Variants in RIN2 observed in about 807,000 individuals in gnomAD.
RIN2 encodes the protein RAB5 interacting protein 2.
Under a neutral mutation model 78.0 loss-of-function variants are expected in RIN2, and 36 were observed. The observed-to-expected ratio is 0.46, with a 90% CI of 0.35 to 0.61. The LOEUF (loss-of-function observed/expected upper bound fraction) is 0.61, where lower values mean the gene tolerates loss of function less well. RIN2 is among the 20% of genes least tolerant of loss of function. The pLI, the probability that RIN2 is intolerant of heterozygous loss-of-function variation, is 0.00. For synonymous variants in RIN2, 466 were observed against 466.8 expected (o/e 1.00, Z 0.02); for missense variants, 1,087 against 1,159.7 (o/e 0.94, Z 0.91).
chr20:19,874,491 C>A (rs1229578788), intron 2 of RIN2, among the ~76,000 whole-genome samples: 2 of 152,170 alleles, frequency 1.3e-5, no homozygotes, highest in Admixed American at 6.6e-5. Context: ...TGGAGCTAAC[C>A]CAGAAGGGTG....
At chr20:19,793,176 G>A (rs1300949056) in intron 1 of RIN2, among the ~76,000 whole-genome samples, 1 of 152,000 alleles carries the variant, frequency 6.6e-6, no homozygotes, top group East Asian at 1.9e-4. Context: ...AAAGCAATAG[G>A]TAAAATTAAT....
chr20:19,934,909 G>T (rs2040573830), intron 3 of RIN2, among the ~76,000 whole-genome samples, 190 bp from the exon 4 acceptor site: 1 of 150,914 alleles, frequency 6.6e-6, no homozygotes, highest in African/African-American at 2.4e-5. Flanking sequence ...CTAAGGAGAA[G>T]CTGCCTCCTC....
intron 2 of RIN2, among the ~76,000 whole-genome samples, chr20:19,844,593 G>GCTGCTTCCTCCT (rs1568806843): frequency 9.4e-5 from 6 of 64,066 alleles, no homozygotes; most frequent in East Asian, 6.7e-4. Flanking sequence ...TGCTGCTGCT[G>GCTGCTTCCTCCT]CTTCTTCCTC....
chr20:19,996,174 C>T (rs1568725176), intron 11 of RIN2, among the ~76,000 whole-genome samples: 3 of 152,050 alleles, frequency 2.0e-5, no homozygotes, highest in South Asian at 2.1e-4. Context: ...ATTAGCCAGG[C>T]GTGGTGGTGC....
chr20:19,869,030 C>T (rs1343042587), intron 2 of RIN2, among the ~76,000 whole-genome samples: 1 of 74,618 alleles, frequency 1.3e-5, no homozygotes, highest in Admixed American at 1.5e-4. Context: ...GCAGTTGAGC[C>T]GAGATCACGC....
At chr20:19,886,865 G>A (rs1318285264) in intron 2 of RIN2, 2 of 703,938 alleles carry the variant, frequency 2.8e-6, no homozygotes, top group South Asian at 2.0e-5. Flanking sequence ...GGGAGGCATG[G>A]GGAAGCGCAG....
intron 8 of RIN2, among the ~76,000 whole-genome samples, chr20:19,971,167 G>C (rs1007170410): frequency 1.3e-5 from 2 of 150,438 alleles, no homozygotes; most frequent in African/African-American, 5.0e-5. Flanking sequence ...ATCCAGTGTA[G>C]TGCATCTCGC....
chr20:19,916,766 C>G (rs1420751529), intron 3 of RIN2, among the ~76,000 whole-genome samples: 2 of 152,222 alleles, frequency 1.3e-5, no homozygotes, highest in African/African-American at 4.8e-5. Context: ...CTTCAGTGAC[C>G]TCATTTTATC....
At chr20:19,937,422 C>T (rs972896561) in intron 4 of RIN2, among the ~76,000 whole-genome samples, 1 of 152,192 alleles carries the variant, frequency 6.6e-6, no homozygotes, top group Non-Finnish European at 1.5e-5. Flanking sequence ...TCTGCAGCTT[C>T]GTACTCTGTG....
chr20:19,823,618 A>G, intron 2 of RIN2: 2 of 1,545,984 alleles, frequency 1.3e-6, no homozygotes, highest in South Asian at 1.1e-5. Context: ...AATGTTGACG[A>G]TCTCATCAAA....
intron 2 of RIN2, among the ~76,000 whole-genome samples, chr20:19,802,288 G>C (rs937948753): frequency 3.9e-5 from 6 of 152,060 alleles, no homozygotes. Context: ...GCCCTGTCCC[G>C]AGCACCCCGT....
chr20:19,809,683 C>T (rs1024926743), intron 2 of RIN2: 26 of 152,456 alleles, frequency 1.7e-4, no homozygotes, highest in Middle Eastern at 3.4e-3. Context: ...AGGGAGCTCC[C>T]GAAGCTACAG....
At chr20:19,883,029 T>C (rs1188406444) in intron 2 of RIN2, among the ~76,000 whole-genome samples, 1 of 152,190 alleles carries the variant, frequency 6.6e-6, no homozygotes, top group Non-Finnish European at 1.5e-5. Context: ...TTTTGACGGC[T>C]CAGAACCCTT....
chr20:19,859,125 T>C (rs952838572), intron 2 of RIN2, among the ~76,000 whole-genome samples: 1 of 152,204 alleles, frequency 6.6e-6, no homozygotes, highest in African/African-American at 2.4e-5. Context: ...ACTTAGAATG[T>C]TGGGACTACA....
chr20:19,782,326 A>C (rs547020993), intron 1 of RIN2, among the ~76,000 whole-genome samples: 1 of 152,256 alleles, frequency 6.6e-6, no homozygotes, highest in Admixed American at 6.5e-5. Context: ...GCACTTTGGG[A>C]GGCTGAGGTG....
intron 3 of RIN2, among the ~76,000 whole-genome samples, chr20:19,929,854 C>CA (rs1339598772): frequency 6.6e-6 from 1 of 152,044 alleles, no homozygotes; most frequent in African/African-American, 2.4e-5. Flanking sequence ...AAAACAACTT[C>CA]AAAAAAACAC....
chr20:19,835,975 C>T (rs960383423), intron 2 of RIN2, among the ~76,000 whole-genome samples: 7 of 152,148 alleles, frequency 4.6e-5, no homozygotes, highest in Non-Finnish European at 7.3e-5. Flanking sequence ...GTGCTAGGAC[C>T]GGGACTGGCT....
At chr20:19,845,061 C>T (rs867736295) in intron 2 of RIN2, among the ~76,000 whole-genome samples, 21 of 152,196 alleles carry the variant, frequency 1.4e-4, no homozygotes, top group African/African-American at 4.8e-4. Context: ...AAGGACATGA[C>T]CTCATCCTTT....
At chr20:19,789,338 C>A (rs2034812590) in intron 1 of RIN2, among the ~76,000 whole-genome samples, 1 of 152,152 alleles carries the variant, frequency 6.6e-6, no homozygotes, top group Non-Finnish European at 1.5e-5. Flanking sequence ...AGAGAAATAT[C>A]TTCGTGAACT....
Sources: allele counts gnomAD v4.1 joint callset (sites outside exome capture counted in the v4.1 genomes callset), GRCh38; gene constraint gnomAD v4.1.1; transcripts MANE v1.5; gene names NCBI Gene and HGNC (gene_info 2026-07-23, HGNC 2026-07-21).